The following CSMD1 variants were observed in gnomAD, a reference collection of about 807,000 sequenced individuals.
CSMD1 encodes the protein CUB and sushi domain-containing protein 1.
A neutral mutation model predicts 417.5 loss-of-function variants in CSMD1; 213 were observed. The observed-to-expected ratio is 0.51, with a 90% confidence interval of 0.46 to 0.57. CSMD1 has a LOEUF of 0.57. Ranked by LOEUF, CSMD1 falls within the 20% of genes least tolerant of loss-of-function variation. The probability of loss-of-function intolerance (pLI) is 0.00; values close to 1 mark genes in which losing one functional copy is unlikely to be tolerated. For missense variants in CSMD1, 6,923 were observed against 4,529.7 expected (o/e 1.53, Z -15.17); for synonymous variants, 2,862 against 1,736.8 (o/e 1.65, Z -16.11).
At chr8:2,953,590 A>C (rs749552580) in intron 65 of CSMD1, among the ~76,000 whole-genome samples, 31 of 152,196 alleles carry the variant, frequency 2.0e-4, no homozygotes, top group Non-Finnish European at 2.8e-4. Flanking sequence ...TTTGGGATAC[A>C]TTTTGTTATT....
intron 1 of CSMD1, among the ~76,000 whole-genome samples, chr8:4,684,510 A>G (rs533246049): frequency 2.6e-5 from 4 of 152,164 alleles, no homozygotes; most frequent in African/African-American, 4.8e-5. Context: ...TTTACTTTCA[A>G]ATAAATCTCT....
At chr8:2,986,759 C>G (rs747738106) in intron 54 of CSMD1, among the ~76,000 whole-genome samples, 2 of 152,154 alleles carry the variant, frequency 1.3e-5, no homozygotes, top group African/African-American at 2.4e-5. Flanking sequence ...CTGCCTCAGC[C>G]TCCCAAAGTG....
chr8:3,044,534 C>G (rs575931808), intron 50 of CSMD1, among the ~76,000 whole-genome samples: 62 of 152,110 alleles, frequency 4.1e-4, no homozygotes, highest in Middle Eastern at 6.8e-3. Flanking sequence ...ACTGTTAAAC[C>G]CAGTCCGTTA....
At chr8:3,984,736 TA>T (rs1814183600) in intron 5 of CSMD1, among the ~76,000 whole-genome samples, 2 of 128,524 alleles carry the variant, frequency 1.6e-5, no homozygotes, top group African/African-American at 5.9e-5. Context: ...TATATATATA[TA>T]TATATATATA....
At chr8:3,548,482 C>T (rs1436151346) in intron 10 of CSMD1, among the ~76,000 whole-genome samples, 2 of 151,842 alleles carry the variant, frequency 1.3e-5, no homozygotes, top group African/African-American at 4.8e-5. Flanking sequence ...GAGGTCTACC[C>T]TGCCACTCTT....
chr8:3,920,362 T>TGC (rs1382592322), intron 5 of CSMD1, among the ~76,000 whole-genome samples: 1 of 151,866 alleles, frequency 6.6e-6, no homozygotes, highest in African/African-American at 2.4e-5. Context: ...TGTGTGTTTG[T>TGC]GTGTGTGTGT....
intron 3 of CSMD1, among the ~76,000 whole-genome samples, chr8:4,037,301 T>C (rs1223599676): frequency 6.6e-6 from 1 of 152,192 alleles, no homozygotes; most frequent in Non-Finnish European, 1.5e-5. Flanking sequence ...TGTCTTACAT[T>C]GTTTTGCTTA....
chr8:4,460,007 T>A (rs572032832), intron 2 of CSMD1, among the ~76,000 whole-genome samples: 193 of 152,238 alleles, frequency 1.3e-3, no homozygotes, highest in African/African-American at 4.2e-3. Flanking sequence ...AATAGTACTA[T>A]AAACCAACTG....
At chr8:3,421,023 C>G (rs1247461064) in intron 12 of CSMD1, among the ~76,000 whole-genome samples, 1 of 152,080 alleles carries the variant, frequency 6.6e-6, no homozygotes, top group East Asian at 1.9e-4. Flanking sequence ...ACACTAAAAG[C>G]TGTGTAAAGT....
At chr8:3,505,947 G>C (rs747479252) in intron 10 of CSMD1, among the ~76,000 whole-genome samples, 1 of 152,164 alleles carries the variant, frequency 6.6e-6, no homozygotes, top group Admixed American at 6.5e-5. Flanking sequence ...TCTCCAAAAA[G>C]TTATGTAAAC....
intron 5 of CSMD1, among the ~76,000 whole-genome samples, chr8:3,798,553 A>G (rs1038192429): frequency 6.6e-6 from 1 of 152,104 alleles, no homozygotes; most frequent in Non-Finnish European, 1.5e-5. Flanking sequence ...ACACTTTTCC[A>G]GAGTTTTGAG....
chr8:3,287,995 G>C (rs1487135936), intron 25 of CSMD1, among the ~76,000 whole-genome samples: 1 of 147,082 alleles, frequency 6.8e-6, no homozygotes, highest in Non-Finnish European at 1.5e-5. Context: ...CTTATTTATT[G>C]AGAGTTTTTA....
At chr8:3,400,702 G>C (rs1400532913) in intron 15 of CSMD1, among the ~76,000 whole-genome samples, 1 of 151,766 alleles carries the variant, frequency 6.6e-6, no homozygotes, top group Non-Finnish European at 1.5e-5. Flanking sequence ...TGTTATAAAT[G>C]TAATAAAAGA....
intron 5 of CSMD1, among the ~76,000 whole-genome samples, chr8:3,976,914 G>T (rs948778900): frequency 6.6e-6 from 1 of 152,116 alleles, no homozygotes; most frequent in Non-Finnish European, 1.5e-5. Context: ...TGACTTGTTA[G>T]CCATTTACAT....
At chr8:3,986,422 C>G (rs1199017631) in intron 5 of CSMD1, among the ~76,000 whole-genome samples, 1 of 152,136 alleles carries the variant, frequency 6.6e-6, no homozygotes, top group Non-Finnish European at 1.5e-5. Context: ...AATACGTTTC[C>G]ACTTCAAGGT....
chr8:3,306,931 TTGTTTAAA>T (rs1352992713), intron 25 of CSMD1, among the ~76,000 whole-genome samples: 1 of 152,160 alleles, frequency 6.6e-6, no homozygotes, highest in Non-Finnish European at 1.5e-5. Context: ...AGAACACTTT[TTGTTTAAA>T]TGTTCACATC....
intron 1 of CSMD1, among the ~76,000 whole-genome samples, chr8:4,813,765 G>A (rs574807325): frequency 6.6e-6 from 1 of 152,242 alleles, no homozygotes; most frequent in Non-Finnish European, 1.5e-5. Context: ...ATGCATTTTG[G>A]AGTAATTTTA....
intron 3 of CSMD1, among the ~76,000 whole-genome samples, chr8:4,288,850 C>A (rs1006515822): frequency 6.6e-6 from 1 of 152,114 alleles, no homozygotes; most frequent in African/African-American, 2.4e-5. Flanking sequence ...ATATAGGATA[C>A]CAGTATGCTA....
intron 6 of CSMD1, among the ~76,000 whole-genome samples, chr8:3,747,443 G>T (rs1462533932): frequency 6.6e-6 from 1 of 151,784 alleles, no homozygotes; most frequent in East Asian, 1.9e-4. Flanking sequence ...GGTCATCCAT[G>T]CGAACACATA....
Sources: gnomAD v4.1 joint callset for allele counts (sites outside exome capture counted in the v4.1 genomes callset) on GRCh38, gnomAD v4.1.1 for gene constraint, MANE v1.5 for transcripts, NCBI Gene and HGNC (gene_info 2026-07-23, HGNC 2026-07-21) for gene names.